Variants in TIAM1 observed in about 807,000 individuals in gnomAD.
The protein encoded by TIAM1 is TIAM Rac1 associated GEF 1.
TIAM1 carries 65 observed loss-of-function variants against 163.5 expected under a neutral mutation model. That is an observed-to-expected ratio of 0.40 (90% CI 0.33 to 0.49). The LOEUF (loss-of-function observed/expected upper bound fraction) is 0.49. Among genes scored for constraint, TIAM1 ranks in the 20% least tolerant of loss-of-function variants. The pLI is 0.77. For missense variants in TIAM1, 1,789 were observed against 2,044.7 expected (o/e 0.87, Z 2.41); for synonymous variants, 833 against 810.1 (o/e 1.03, Z -0.48).
chr21:31,276,067 T>C (rs1275154620), intron 3 of TIAM1, among the ~76,000 whole-genome samples: 10 of 152,018 alleles, frequency 6.6e-5, no homozygotes, highest in Admixed American at 5.2e-4. Flanking sequence ...AGATTGCAAA[T>C]GTAAAATTAG....
At chr21:31,259,911 G>A (rs2072358530) in intron 4 of TIAM1, among the ~76,000 whole-genome samples, 1 of 151,446 alleles carries the variant, frequency 6.6e-6, no homozygotes, top group Non-Finnish European at 1.5e-5. Context: ...CAATGCCTCT[G>A]TCCCACATCT....
intron 1 of TIAM1, among the ~76,000 whole-genome samples, chr21:31,510,344 C>T (rs1376937136): frequency 1.3e-5 from 2 of 152,174 alleles, no homozygotes; most frequent in African/African-American, 4.8e-5. Flanking sequence ...TTCCTCTACT[C>T]ATAAGGACAA....
At chr21:31,407,559 C>T (rs1312115659) in intron 2 of TIAM1, among the ~76,000 whole-genome samples, 6 of 151,300 alleles carry the variant, frequency 4.0e-5, no homozygotes, top group Admixed American at 6.6e-5. Context: ...CTCGACCCAT[C>T]GGGAGCAGGC....
intron 1 of TIAM1, among the ~76,000 whole-genome samples, chr21:31,531,760 T>TAAA (rs60258369): frequency 4.9e-4 from 71 of 144,202 alleles, no homozygotes; most frequent in South Asian, 8.7e-4. Context: ...ATACAGGAGT[T>TAAA]AAAAAAAAAA....
At chr21:31,195,438 C>T (rs998646432) in intron 12 of TIAM1, 133 bp from the exon 13 acceptor site, 76 of 645,150 alleles carry the variant, frequency 1.2e-4, no homozygotes, top group African/African-American at 5.3e-4. Flanking sequence ...TATCATTAAA[C>T]GAAACTCATT....
intron 13 of TIAM1, among the ~76,000 whole-genome samples, chr21:31,192,460 T>C (rs989427172): frequency 4.0e-5 from 6 of 151,884 alleles, no homozygotes; most frequent in African/African-American, 1.5e-4. Flanking sequence ...CTTCTAAAAG[T>C]ACAAAAATTA....
At chr21:31,162,999 C>T (rs1463809025) in intron 16 of TIAM1, among the ~76,000 whole-genome samples, 2 of 152,144 alleles carry the variant, frequency 1.3e-5, no homozygotes, top group African/African-American at 2.4e-5. Context: ...GCCAGAACCT[C>T]ATATTATACA....
intron 5 of TIAM1, among the ~76,000 whole-genome samples, chr21:31,251,049 C>T (rs1477869658): frequency 6.6e-6 from 1 of 152,158 alleles, no homozygotes; most frequent in Non-Finnish European, 1.5e-5. Flanking sequence ...TAACATTATT[C>T]TACCAATTTT....
At chr21:31,157,282 C>T (rs116625805) in intron 16 of TIAM1, among the ~76,000 whole-genome samples, 1,924 of 152,136 alleles carry the variant, frequency 0.013, 41 homozygotes, top group African/African-American at 0.043. Flanking sequence ...TGGTGAGTGA[C>T]GGTGGTCATA....
chr21:31,493,706 G>A lies in TIAM1; in HGVS notation c.-421-29671C>T, dbSNP rs552236257. Among the ~76,000 whole-genome samples the A allele has an allele frequency of 4.6e-5, 7 of 152,192 alleles. No homozygotes were observed. In the East Asian group the frequency reaches 7.8e-4, roughly 17 times the overall value. The stretch of plus-strand genomic sequence containing the variant: ...TAGCCTGGCTTGGCAGTGACACGTC[G>A]GAGCTGTGCTTTAGAAATAAATGGA... On this transcript the variant is annotated intron_variant, in intron 1 of 28. Transcript: ENST00000286827.
At chr21:31,431,794 G>A (rs1014599793) in intron 2 of TIAM1, among the ~76,000 whole-genome samples, 8 of 152,110 alleles carry the variant, frequency 5.3e-5, no homozygotes, top group African/African-American at 1.7e-4. Flanking sequence ...TGGTATTCGT[G>A]TATCTAAACA....
intron 2 of TIAM1, among the ~76,000 whole-genome samples, chr21:31,374,043 G>C (rs1414279267): frequency 6.6e-6 from 1 of 151,420 alleles, no homozygotes; most frequent in Non-Finnish European, 1.5e-5. Context: ...TCCCCTCCTT[G>C]GTATCTGGGT....
chr21:31,275,964 T>C (rs1427065129), intron 3 of TIAM1, among the ~76,000 whole-genome samples: 1 of 152,174 alleles, frequency 6.6e-6, no homozygotes, highest in Non-Finnish European at 1.5e-5. Flanking sequence ...TCATTACCCT[T>C]CTATGACTTG....
chr21:31,172,411 A>T (rs1033419643), intron 15 of TIAM1, among the ~76,000 whole-genome samples: 4 of 152,082 alleles, frequency 2.6e-5, no homozygotes, highest in African/African-American at 9.7e-5. Context: ...TAATGACAGA[A>T]ATTGGAGGAA....
intron 2 of TIAM1, among the ~76,000 whole-genome samples, chr21:31,290,523 T>A (rs982602093): frequency 1.2e-4 from 18 of 151,526 alleles, no homozygotes; most frequent in African/African-American, 3.9e-4. Flanking sequence ...GGCGCGTGCC[T>A]GTAATCCCAG....
rs1259528274 is a variant in TIAM1, at chr21:31,222,697, ATATATATATATTTTTTTTTTTTTTTTTT to A, written c.1995+681_1995+708del. On this transcript the variant is annotated intron_variant, in intron 8 of 27. Transcript: ENST00000541036. ...CATACATATATATATATATATATAT[ATATATATATATTTTTTTTTTTTTTTTTT>A]TTTTTTTTTTGAGACAGAGTCTCAC... 4.9e-3 allele frequency among the ~76,000 whole-genome samples: 178 copies of A among 36,508 alleles called. 1 individual carries two copies. Among genetic ancestry groups the A allele is most frequent in the African/African-American group, 0.026 (166 of 6,424 alleles). The allele number at this position is 36,508 out of a possible 152,430, so 24.0% of individuals were successfully genotyped here.
rs1362853800 is a variant in TIAM1 at position 31,154,139 on chromosome 21, C to T, written c.3171+108G>A. 10 of 1,245,884 alleles carry T rather than the reference C, an allele frequency of 8.0e-6. No homozygotes were observed. The East Asian group carries it at 1.7e-4, about 22-fold the overall frequency. 77.2% of individuals were successfully genotyped at this position (1,245,884 alleles called of 1,614,324 possible). On this transcript the variant is annotated intron_variant, in intron 17 of 27. Transcript: ENST00000541036. ...CAAAATTCCAGGAGAAACCAAGACG[C>T]TCTTCATGAACACAGTTTAAATCAG...
intron 1 of TIAM1, among the ~76,000 whole-genome samples, chr21:31,545,378 A>G (rs2048454401): frequency 6.6e-6 from 1 of 152,200 alleles, no homozygotes; most frequent in Admixed American, 6.5e-5. Flanking sequence ...CAGTTCTGTG[A>G]AAGAATAAAC....
At chr21:31,520,315 G>A (rs532280725) in intron 1 of TIAM1, among the ~76,000 whole-genome samples, 10 of 144,532 alleles carry the variant, frequency 6.9e-5, no homozygotes, top group Admixed American at 2.8e-4. Flanking sequence ...TGGGCAACAA[G>A]AGCTAAACTC....
Sources: allele counts gnomAD v4.1 joint callset (sites outside exome capture counted in the v4.1 genomes callset), GRCh38; gene constraint gnomAD v4.1.1; transcripts MANE v1.5; gene names NCBI Gene and HGNC (gene_info 2026-07-23, HGNC 2026-07-21).